The following POLQ variants were observed in gnomAD, a reference collection of about 807,000 sequenced individuals.
POLQ encodes DNA polymerase theta, also known as epididymis secretory sperm binding protein.
In POLQ, 233 loss-of-function variants were observed where a neutral mutation model predicts 259.2. The observed-to-expected ratio is 0.90, with a 90% confidence interval of 0.81 to 1.00. The LOEUF is 1.00. POLQ is among the 50% of genes least tolerant of loss of function. The pLI is 0.00. For missense variants in POLQ, 2,871 were observed against 3,051.6 expected (o/e 0.94, Z 1.39); for synonymous variants, 1,025 against 1,048.8 (o/e 0.98, Z 0.44).
intron 14 of POLQ, 40 bp downstream of exon 14, chr3:121,496,768 C>T (rs1320578154): frequency 6.4e-7 from 1 of 1,570,404 alleles, no homozygotes; most frequent in Non-Finnish European, 8.6e-7. Flanking sequence ...GACCTCAAAT[C>T]ACAGTATTAA....
intron 21 of POLQ, among the ~76,000 whole-genome samples, chr3:121,472,686 T>C (rs2047895140): frequency 6.6e-6 from 1 of 152,278 alleles, no homozygotes; most frequent in Non-Finnish European, 1.5e-5. Flanking sequence ...AAATTAAAAA[T>C]TGTGCTATAG....
chr3:121,432,505 G>C, intron 29 of POLQ, 88 bp from the exon 30 acceptor site: 1 of 1,370,518 alleles, frequency 7.3e-7, no homozygotes, highest in Non-Finnish European at 9.8e-7. Flanking sequence ...AACCAGACTG[G>C]AGCTCTTCAC....
At chr3:121,454,719 C>G (rs950175272) in intron 25 of POLQ, among the ~76,000 whole-genome samples, 1 of 152,048 alleles carries the variant, frequency 6.6e-6, no homozygotes, top group Admixed American at 6.6e-5. Context: ...ACAGGAGCAC[C>G]CAGATTCATA....
In POLQ at chr3:121,467,535, G is replaced by A; in HGVS notation, c.6951C>T (p.Ala2317=). The change falls in exon 24 of 30, where the codon GCC becomes GCT. Residue 2317 remains alanine, a synonymous_variant. Coordinates refer to ENST00000264233, the MANE Select transcript of POLQ (RefSeq NM_199420.4). ...CCACCTTACCTGGGAAAGGCACAAA[G>A]GCATGTCGCATGCTAATTGAAAATG... The part of the protein sequence containing the change: ...GMPFSISMRH[A]FVPFPGGSIL... The A allele has an allele frequency of 6.2e-7, 1 of 1,613,886 alleles. No individual in the cohort carries two copies. The highest frequency in any genetic ancestry group is 8.5e-7 in the Non-Finnish European group (1 of 1,179,838).
At chr3:121,521,205 C>G (rs1015015403) in intron 8 of POLQ, among the ~76,000 whole-genome samples, 1 of 152,084 alleles carries the variant, frequency 6.6e-6, no homozygotes, top group Admixed American at 6.5e-5. Context: ...TGTCCTACCA[C>G]CCAGGACATG....
chr3:121,522,058 TCCTG>T lies in POLQ; in HGVS notation c.1196_1199del (p.Ser399TyrfsTer14). ...CAGTTTTCTGTAATACAGAGTCCAG[TCCTG>T]AAGGCAAACGTCTTAACTGATCCAT... On this transcript the variant is annotated frameshift_variant, in exon 8 of 30. Transcript: ENST00000264233. LOFTEE classifies it high-confidence loss of function. The T allele has an allele frequency of 6.2e-7, 1 of 1,608,704 alleles. No individual in the cohort carries two copies. Among genetic ancestry groups the T allele is most frequent in the South Asian group, 1.1e-5 (1 of 90,444 alleles).
At chr3:121,518,840 A>C (rs989781383) in intron 9 of POLQ, among the ~76,000 whole-genome samples, 1 of 152,156 alleles carries the variant, frequency 6.6e-6, no homozygotes, top group African/African-American at 2.4e-5. Context: ...CCTAGAGTAG[A>C]AAGTGGCAGG....
intron 26 of POLQ, among the ~76,000 whole-genome samples, chr3:121,444,859 ATT>A (rs201735654): frequency 0.013 from 2,017 of 152,124 alleles, 22 homozygotes; most frequent in Non-Finnish European, 0.019. Context: ...TTGAAATGAT[ATT>A]GTTTTTATCC....
chr3:121,527,142 C>T (rs779967151), intron 7 of POLQ, among the ~76,000 whole-genome samples: 4 of 152,154 alleles, frequency 2.6e-5, no homozygotes, highest in Admixed American at 2.0e-4. Context: ...CTCACTGCAA[C>T]CTCTGCCTCC....
intron 13 of POLQ, among the ~76,000 whole-genome samples, chr3:121,497,572 G>C (rs977886810): frequency 2.0e-5 from 3 of 152,074 alleles, no homozygotes; most frequent in African/African-American, 7.2e-5. Flanking sequence ...AAGTAGCTGG[G>C]ATTACAGGTG....
At chr3:121,528,606 G>T (rs553830972) in intron 7 of POLQ, among the ~76,000 whole-genome samples, 1 of 151,996 alleles carries the variant, frequency 6.6e-6, no homozygotes, top group African/African-American at 2.4e-5. Flanking sequence ...GCCTCCCAAA[G>T]TGCTGGGATT....
chr3:121,545,522 A>G (rs886179400), intron 1 of POLQ, among the ~76,000 whole-genome samples, 193 bp downstream of exon 1: 1 of 152,216 alleles, frequency 6.6e-6, no homozygotes, highest in African/African-American at 2.4e-5. Context: ...CATTAATACC[A>G]GGCGATCACT....
In POLQ at chr3:121,483,447, C is replaced by T. The variant is rs2047986227; in HGVS notation, c.5909G>A (p.Ser1970Asn). Residue 1970 changes from serine (S) to asparagine (N), a missense_variant, in exon 18 of 30, where the codon AGC becomes AAC. Ser to Asn is a conservative substitution (Grantham distance 46). This residue lies in a region of POLQ where 2,080 missense variants were observed against 2,126.0 expected (regional missense o/e 0.98). Coordinates refer to ENST00000264233, the MANE Select transcript of POLQ (RefSeq NM_199420.4). ...CSVVIYDFIQ[S>N]YKILLLSCGI... ...ACAAGAAAGAAGAAGAATTTTATAG[C>T]TCTGGATGAAGTCATAGATGACAAC... 3.1e-6 allele frequency: 5 copies of T among 1,600,016 alleles called. No individual in the cohort carries two copies. In the South Asian group the frequency reaches 5.7e-5, roughly 18 times the overall value.
At chr3:121,521,889 G>C in intron 8 of POLQ, 114 bp downstream of exon 8, 1 of 762,444 alleles carries the variant, frequency 1.3e-6, no homozygotes, top group South Asian at 2.6e-5. Context: ...TTCTTAAAAA[G>C]AAATCTAAGG....
chr3:121,529,906 GA>G, intron 6 of POLQ, 114 bp from the exon 7 acceptor site: 2 of 655,472 alleles, frequency 3.1e-6, no homozygotes, highest in Non-Finnish European at 4.9e-6. Context: ...AAGGCATAAT[GA>G]AAATCAGTTA....
At chr3:121,458,347 G>C (rs2047760904) in intron 25 of POLQ, among the ~76,000 whole-genome samples, 1 of 151,082 alleles carries the variant, frequency 6.6e-6, no homozygotes, top group Non-Finnish European at 1.5e-5. Flanking sequence ...TAACTAACCT[G>C]CACATTGTGC....
Position 121,509,719 on chromosome 3 carries a change from G to T in POLQ, c.1817-16C>A, listed in dbSNP as rs564664734. On this transcript the variant is annotated splice_polypyrimidine_tract_variant and intron_variant, in intron 11 of 29. Transcript: ENST00000264233. ...TACACCTTTCCTGGTTTAGGGTTAG[G>T]GTGAGGAAACAGAGGAACAAACATT... 18 of 1,598,440 alleles carry T rather than the reference G, an allele frequency of 1.1e-5. No individual in the cohort carries two copies. In the African/African-American group the frequency reaches 2.2e-4, roughly 19 times the overall value.
At chr3:121,463,342 G>T (rs1266062132) in intron 24 of POLQ, among the ~76,000 whole-genome samples, 4 of 152,132 alleles carry the variant, frequency 2.6e-5, no homozygotes, top group African/African-American at 7.2e-5. Context: ...CACCATGATT[G>T]TGAGGCCTCC....
intron 25 of POLQ, among the ~76,000 whole-genome samples, chr3:121,458,953 G>T (rs1251720019): frequency 6.6e-6 from 1 of 152,196 alleles, no homozygotes. Flanking sequence ...AAAACAGCAG[G>T]ATCTCAGAGT....
Sources: gnomAD v4.1 joint callset for allele counts (sites outside exome capture counted in the v4.1 genomes callset) on GRCh38, gnomAD v4.1.1 for gene constraint, gnomAD v4.1.1 regional missense constraint, MANE v1.5 for transcripts, NCBI Gene and HGNC (gene_info 2026-07-23, HGNC 2026-07-21) for gene names.